PIK3C2B: variants seen among roughly 807,000 people sequenced by gnomAD.
PIK3C2B encodes phosphatidylinositol-4-phosphate 3-kinase catalytic subunit type 2 beta.
In PIK3C2B, 83 loss-of-function variants were observed where a neutral mutation model predicts 184.3. That is an observed-to-expected ratio of 0.45 (90% CI 0.38 to 0.54). The LOEUF is 0.54. Ranked by LOEUF, PIK3C2B falls within the 20% of genes least tolerant of loss-of-function variation. PIK3C2B has a pLI of 0.00. For missense variants in PIK3C2B, 1,736 were observed against 2,113.5 expected, an observed-to-expected ratio of 0.82 and a Z score of 3.50; for synonymous variants, 779 against 837.6, an observed-to-expected ratio of 0.93 and a Z score of 1.21.
intron 26 of PIK3C2B, 64 bp from the exon 27 acceptor site, chr1:204,432,465 G>T: frequency 1.6e-6 from 2 of 1,283,706 alleles, no homozygotes; most frequent in Non-Finnish European, 2.2e-6. Context: ...CTCGACAGGG[G>T]TGTTCCAAGG....
intron 5 of PIK3C2B, among the ~76,000 whole-genome samples, chr1:204,462,322 C>G (rs546918954): frequency 1.2e-4 from 18 of 151,852 alleles, no homozygotes; most frequent in African/African-American, 4.3e-4. Context: ...AGCCCAGAGC[C>G]CTAGGACTTC....
intron 28 of PIK3C2B, 195 bp downstream of exon 28, chr1:204,431,474 G>C: frequency 1.6e-6 from 1 of 632,504 alleles, no homozygotes; most frequent in East Asian, 2.8e-5. Flanking sequence ...CCTGGAGTGA[G>C]AGCTCTTGCG....
At chr1:204,443,704 C>T (rs952085863) in intron 18 of PIK3C2B, 107 bp from the exon 19 acceptor site, 20 of 970,066 alleles carry the variant, frequency 2.1e-5, no homozygotes, top group East Asian at 1.9e-4. Flanking sequence ...AAACCCACCC[C>T]GAACTTGGGA....
chr1:204,436,691 C>T (rs1378027737), intron 23 of PIK3C2B, among the ~76,000 whole-genome samples: 1 of 152,152 alleles, frequency 6.6e-6, no homozygotes, highest in African/African-American at 2.4e-5. Flanking sequence ...ATACATTCAT[C>T]TGTACATTTA....
At chr1:204,444,229 T>C in intron 17 of PIK3C2B, 67 bp from the exon 18 acceptor site, 6 of 1,422,070 alleles carry the variant, frequency 4.2e-6, no homozygotes, top group Non-Finnish European at 6.0e-6. Flanking sequence ...ACACTTATTA[T>C]TATTGCACTG....
chr1:204,461,099 G>GA (rs1558262338), intron 5 of PIK3C2B, among the ~76,000 whole-genome samples: 1 of 152,156 alleles, frequency 6.6e-6, no homozygotes, highest in African/African-American at 2.4e-5. Context: ...GGAGCTCAGC[G>GA]AGAGACCCCT....
intron 8 of PIK3C2B, among the ~76,000 whole-genome samples, chr1:204,459,175 C>G (rs1466237179): frequency 6.6e-6 from 1 of 152,144 alleles, no homozygotes; most frequent in Non-Finnish European, 1.5e-5. Context: ...TGCCACCATA[C>G]CTGGCTAACT....
intron 1 of PIK3C2B, among the ~76,000 whole-genome samples, chr1:204,494,053 A>C (rs975477388): frequency 6.6e-6 from 1 of 152,166 alleles, no homozygotes; most frequent in African/African-American, 2.4e-5. Context: ...TGCAGCTGGG[A>C]GCCAGGAAGT....
At chr1:204,473,166 A>T (rs11240747) in intron 1 of PIK3C2B, among the ~76,000 whole-genome samples, 126,175 of 152,158 alleles carry the variant, frequency 0.83, 55,714 homozygotes, top group Non-Finnish European at 0.98. Context: ...ATAAGTTAGG[A>T]CAAAGGTATC....
Position 204,493,038 on chromosome 1 carries a change from T to G in PIK3C2B, c.-85+1318A>C, listed in dbSNP as rs187134634. On this transcript the variant is annotated intron_variant, in intron 1 of 32. Transcript: ENST00000684373. ...CTCTGGAGGAGCTGGGATTCCAAAG[T>G]CTCACTGCCTGTCTGCTCTGGGATC... Among the ~76,000 whole-genome samples, 511 of 152,256 alleles carry G rather than the reference T, an allele frequency of 3.4e-3. 1 individual carries two copies. The highest frequency in any genetic ancestry group is 5.4e-3 in the Non-Finnish European group (370 of 68,016).
chr1:204,482,921 T>C lies in PIK3C2B; in HGVS notation c.-85+11435A>G, dbSNP rs535581675. Among the ~76,000 whole-genome samples, 31 of 152,260 alleles carry C rather than the reference T, an allele frequency of 2.0e-4. No individual in the cohort carries two copies. The South Asian group carries it at 3.5e-3, about 17-fold the overall frequency. ...CAGGGGATCCCAGAAGGACTGCCCA[T>C]GTCAGCCTGGTCACCCCTAGACATG... On this transcript the variant is annotated intron_variant, in intron 1 of 32. Transcript: ENST00000684373.
chr1:204,445,345 C>A (rs1195714593), intron 16 of PIK3C2B, among the ~76,000 whole-genome samples: 2 of 152,054 alleles, frequency 1.3e-5, no homozygotes, highest in African/African-American at 4.8e-5. Flanking sequence ...ATAATCCCAG[C>A]ATTTTTGGGA....
rs1233409233 is a variant in PIK3C2B at position 204,469,203 on chromosome 1, G to A, written c.600C>T (p.Gly200=). 1.2e-6 allele frequency: 2 copies of A among 1,611,312 alleles called. No homozygotes were observed. Among genetic ancestry groups the A allele is most frequent in the Non-Finnish European group, 1.7e-6 (2 of 1,178,340 alleles). ...NTFSLVEQLP[G]KLLEHRILEE... is the part of the protein sequence containing the mutation. The stretch of plus-strand genomic sequence containing the variant: ...CTAGGATCCGATGCTCTAGCAGTTT[G>A]CCCGGCAATTGTTCGACCAAAGAGA... Residue 200 remains glycine, a synonymous_variant, in exon 2 of 33, where the codon GGC becomes GGT. Coordinates refer to ENST00000684373, the MANE Select transcript of PIK3C2B (RefSeq NM_001377334.1).
rs775497276 is a variant in PIK3C2B at position 204,444,312 on chromosome 1, G to A, written c.2772+19C>T. ...GGGGATGGGACCAGCAAAACTGGAG[G>A]GAGGACCAATCCACCCACCTGTACC... On this transcript the variant is annotated intron_variant, in intron 17 of 32. Coordinates refer to ENST00000684373, the MANE Select transcript of PIK3C2B (RefSeq NM_001377334.1). 3.7e-6 allele frequency: 6 copies of A among 1,601,584 alleles called. No individual in the cohort carries two copies. The highest frequency in any genetic ancestry group is 1.1e-5 in the South Asian group (1 of 90,850).
In PIK3C2B at chr1:204,449,313, G is replaced by A; in HGVS notation, c.2235-17C>T. 2 of 1,580,168 alleles carry A rather than the reference G, an allele frequency of 1.3e-6. No homozygotes were observed. The highest frequency in any genetic ancestry group is 1.1e-5 in the South Asian group (1 of 87,862). Reference sequence around the variant, plus strand: ...GTCAGGACCCTAAGAAGGAGGGAGAGTGGGAAGAGCTGCTAAAGTGGCTAA... The same window carrying A: ...GTCAGGACCCTAAGAAGGAGGGAGAATGGGAAGAGCTGCTAAAGTGGCTAA... On this transcript the variant is annotated splice_polypyrimidine_tract_variant and intron_variant, in intron 13 of 32. Transcript: ENST00000684373.
At position 204,442,953 on chromosome 1, in the gene PIK3C2B, T is replaced by C. The variant is rs1230665134; in HGVS notation, c.3049-320A>G. 2.6e-5 allele frequency among the ~76,000 whole-genome samples: 4 copies of C among 152,226 alleles called. No individual in the cohort carries two copies. In the East Asian group the frequency reaches 7.7e-4, roughly 29 times the overall value. ...CTTCTGCCAAGAAAAGCTAACAATCTGGACGTTGATACAAAATCTCTCAAT... is the reference window on the plus strand; with the variant it reads ...CTTCTGCCAAGAAAAGCTAACAATCCGGACGTTGATACAAAATCTCTCAAT... On this transcript the variant is annotated intron_variant, in intron 19 of 32. Coordinates refer to ENST00000684373, the MANE Select transcript of PIK3C2B (RefSeq NM_001377334.1).
chr1:204,485,245 G>C (rs769610609), intron 1 of PIK3C2B, among the ~76,000 whole-genome samples: 2 of 151,924 alleles, frequency 1.3e-5, no homozygotes, highest in Non-Finnish European at 2.9e-5. Flanking sequence ...CTTCAGGAAA[G>C]GAAATCCCCC....
chr1:204,458,178 C>A (rs1037416892), intron 8 of PIK3C2B, among the ~76,000 whole-genome samples: 1 of 152,128 alleles, frequency 6.6e-6, no homozygotes, highest in Non-Finnish European at 1.5e-5. Flanking sequence ...TATACAGGGT[C>A]TCTCCCAGAG....
chr1:204,492,409 T>C (rs1658066880), intron 1 of PIK3C2B, among the ~76,000 whole-genome samples: 1 of 152,156 alleles, frequency 6.6e-6, no homozygotes. Context: ...CCTGGGAACA[T>C]GAGGAGCCTG....
Sources: gnomAD v4.1 joint callset for allele counts (sites outside exome capture counted in the v4.1 genomes callset) on GRCh38, gnomAD v4.1.1 for gene constraint, MANE v1.5 for transcripts, NCBI Gene and HGNC (gene_info 2026-07-23, HGNC 2026-07-21) for gene names.